Variants in CHODL observed in about 807,000 individuals in gnomAD.
CHODL encodes transmembrane protein MT75.
Under a neutral mutation model 34.5 loss-of-function variants are expected in CHODL, and 29 were observed. That is an observed-to-expected ratio of 0.84 (90% CI 0.63 to 1.15). The LOEUF is 1.15. CHODL is among the 50% of genes most tolerant of loss of function. The pLI is 0.00. For missense variants in CHODL, 332 were observed against 332.5 expected (o/e 1.00, Z 0.01); for synonymous variants, 125 against 116.1 (o/e 1.08, Z -0.49).
intron 1 of CHODL, among the ~76,000 whole-genome samples, chr21:18,018,104 A>G (rs950825018): frequency 3.9e-5 from 6 of 152,174 alleles, no homozygotes; most frequent in African/African-American, 7.2e-5. Context: ...TGTATCTTGG[A>G]AGTAACTAAC....
At chr21:18,168,841 A>AT (rs1421467141) in intron 2 of CHODL, among the ~76,000 whole-genome samples, 3 of 152,200 alleles carry the variant, frequency 2.0e-5, no homozygotes, top group Non-Finnish European at 4.4e-5. Context: ...ATTGACTAAT[A>AT]TAAGACCACA....
At chr21:18,161,548 C>A (rs1335942444) in intron 2 of CHODL, among the ~76,000 whole-genome samples, 1 of 152,162 alleles carries the variant, frequency 6.6e-6, no homozygotes, top group Non-Finnish European at 1.5e-5. Context: ...CCAAATGGAA[C>A]AACTTTTTGT....
chr21:17,946,177 G>A (rs1016865903), intron 1 of CHODL, among the ~76,000 whole-genome samples: 2 of 152,210 alleles, frequency 1.3e-5, no homozygotes, highest in African/African-American at 4.8e-5. Flanking sequence ...CAGCACTTTG[G>A]GAGGCCAAGG....
chr21:17,947,019 T>G (rs552887984), intron 1 of CHODL, among the ~76,000 whole-genome samples: 1 of 152,280 alleles, frequency 6.6e-6, no homozygotes, highest in South Asian at 2.1e-4. Flanking sequence ...TGTATATATA[T>G]TACAGATTTT....
At chr21:17,918,204 C>G (rs1026650881) in intron 1 of CHODL, among the ~76,000 whole-genome samples, 1 of 151,726 alleles carries the variant, frequency 6.6e-6, no homozygotes, top group Admixed American at 6.6e-5. Context: ...TATTTTATTT[C>G]ATATATTTTA....
chr21:18,260,714 G>A (rs1312123307), intron 4 of CHODL, among the ~76,000 whole-genome samples: 29 of 152,128 alleles, frequency 1.9e-4, no homozygotes, highest in Admixed American at 1.9e-3. Context: ...CTGGGAAGCT[G>A]AGGTGGGAGA....
chr21:18,024,254 G>A (rs1427096558), intron 1 of CHODL, among the ~76,000 whole-genome samples: 1 of 152,040 alleles, frequency 6.6e-6, no homozygotes, highest in African/African-American at 2.4e-5. Context: ...TAAAGACGAG[G>A]TCTCACTTGT....
intron 2 of CHODL, among the ~76,000 whole-genome samples, chr21:18,056,992 T>G (rs1374898358): frequency 6.6e-6 from 1 of 152,090 alleles, no homozygotes; most frequent in Non-Finnish European, 1.5e-5. Flanking sequence ...GTGTTCTAAA[T>G]GTATAGGTAG....
intron 1 of CHODL, among the ~76,000 whole-genome samples, chr21:17,921,403 G>A (rs1427013843): frequency 2.6e-5 from 4 of 152,224 alleles, no homozygotes; most frequent in African/African-American, 9.6e-5. Flanking sequence ...CACCAAGGGT[G>A]TGTTGGGCAG....
intron 2 of CHODL, among the ~76,000 whole-genome samples, chr21:18,177,794 T>G (rs2146671311): frequency 6.6e-6 from 1 of 152,286 alleles, no homozygotes; most frequent in South Asian, 2.1e-4. Context: ...GAAGAAAAAT[T>G]AACTGAGTTT....
intron 2 of CHODL, among the ~76,000 whole-genome samples, chr21:18,094,176 C>T (rs2065109657): frequency 6.6e-6 from 1 of 152,034 alleles, no homozygotes; most frequent in South Asian, 2.1e-4. Context: ...AATATAACAA[C>T]TTTAAATATA....
chr21:18,256,664 T>G lies in CHODL; in HGVS notation c.235T>G (p.Leu79Val). The G allele has an allele frequency of 2.5e-6, 4 of 1,613,868 alleles. No individual in the cohort carries two copies. The highest frequency in any genetic ancestry group is 3.4e-6 in the Non-Finnish European group (4 of 1,179,936). ...CCTTGAGAATGAAGCAGAACAGAAG[T>G]TAATAGAGAGCATGTTGCAAAACCT... is the stretch of plus-strand genomic sequence containing the variant. ...LSLENEAEQKLIESMLQNLTK... is the reference protein window; with the variant it reads ...LSLENEAEQKVIESMLQNLTK... Residue 79 changes from leucine (L) to valine (V), a missense_variant, in exon 2 of 6, where the codon TTA becomes GTA. Leu to Val is a conservative substitution (Grantham distance 32, BLOSUM62 1). Transcript: ENST00000299295.
intron 2 of CHODL, among the ~76,000 whole-genome samples, chr21:18,151,097 A>AAAC (rs1555876697): frequency 6.7e-6 from 1 of 149,842 alleles, no homozygotes; most frequent in Non-Finnish European, 1.5e-5. Context: ...AAAAAAAAAA[A>AAAC]AAAAAAAAGA....
At chr21:18,024,947 A>G (rs1311691802) in intron 1 of CHODL, among the ~76,000 whole-genome samples, 5 of 152,210 alleles carry the variant, frequency 3.3e-5, no homozygotes, top group Non-Finnish European at 5.9e-5. Flanking sequence ...ATGTCGAGCA[A>G]TCACAAGAAC....
intron 2 of CHODL, among the ~76,000 whole-genome samples, chr21:18,052,585 T>C (rs1220812805): frequency 6.6e-6 from 1 of 151,988 alleles, no homozygotes; most frequent in African/African-American, 2.4e-5. Flanking sequence ...ATTTTTACCA[T>C]AGCTAGAAAA....
At chr21:18,248,603 A>ACAT (rs2074173458) in intron 1 of CHODL, among the ~76,000 whole-genome samples, 1 of 134,224 alleles carries the variant, frequency 7.5e-6, no homozygotes, top group African/African-American at 2.9e-5. Flanking sequence ...TATATAAAAT[A>ACAT]TATGTATAAT....
chr21:18,224,547 CCAGAAG>C (rs2146744877), intron 2 of CHODL, among the ~76,000 whole-genome samples: 1 of 152,254 alleles, frequency 6.6e-6, no homozygotes, highest in East Asian at 1.9e-4. Context: ...ATGGTACCCA[CCAGAAG>C]CCTTGACACT....
chr21:18,031,112 C>T (rs747372641), intron 2 of CHODL, among the ~76,000 whole-genome samples: 4 of 152,008 alleles, frequency 2.6e-5, no homozygotes, highest in Admixed American at 6.6e-5. Flanking sequence ...TATATGAAAA[C>T]GGAAACTCAG....
At position 18,257,428 on chromosome 21, in the gene CHODL, T is replaced by C. The variant is rs570067167; in HGVS notation, c.547+301T>C. ...AAATAGATTTTATAAACAATAAATA[T>C]TTTAAAATATTTTAAACATTACTAT... On this transcript the variant is annotated intron_variant, in intron 3 of 5. Coordinates refer to ENST00000299295, the MANE Select transcript of CHODL (RefSeq NM_024944.3). Among the ~76,000 whole-genome samples, 108 of 152,250 alleles carry C rather than the reference T, an allele frequency of 7.1e-4. 3 individuals are homozygous for C. The South Asian group carries it at 0.022, about 31-fold the overall frequency.
Sources: gnomAD v4.1 joint callset for allele counts (sites outside exome capture counted in the v4.1 genomes callset) on GRCh38, gnomAD v4.1.1 for gene constraint, MANE v1.5 for transcripts, NCBI Gene and HGNC (gene_info 2026-07-23, HGNC 2026-07-21) for gene names.